CLSTN2: variants seen among roughly 807,000 people sequenced by gnomAD.
CLSTN2 encodes calsyntenin-2.
A neutral mutation model predicts 101.2 loss-of-function variants in CLSTN2; 48 were observed. The observed-to-expected ratio is 0.47, with a 90% CI of 0.38 to 0.60. The LOEUF is 0.60. Among genes scored for constraint, CLSTN2 ranks in the 20% least tolerant of loss-of-function variants. The pLI, the probability that CLSTN2 is intolerant of heterozygous loss-of-function variation, is 0.00. For missense variants in CLSTN2, 1,160 were observed against 1,238.2 expected (o/e 0.94, Z 0.95); for synonymous variants, 481 against 463.6 (o/e 1.04, Z -0.48).
At chr3:140,299,069 C>G (rs1397175983) in intron 2 of CLSTN2, among the ~76,000 whole-genome samples, 1 of 152,194 alleles carries the variant, frequency 6.6e-6, no homozygotes, top group Admixed American at 6.5e-5. Context: ...CTCACTTTCC[C>G]CTCCACTCAG....
At chr3:140,031,240 G>A (rs1157505353) in intron 1 of CLSTN2, among the ~76,000 whole-genome samples, 1 of 152,182 alleles carries the variant, frequency 6.6e-6, no homozygotes, top group African/African-American at 2.4e-5. Flanking sequence ...AGAATGTGGA[G>A]GGAAGACATC....
At chr3:140,374,816 C>A (rs2087898176) in intron 2 of CLSTN2, among the ~76,000 whole-genome samples, 1 of 152,164 alleles carries the variant, frequency 6.6e-6, no homozygotes, top group South Asian at 2.1e-4. Flanking sequence ...TAATATATAT[C>A]TCAATTTTGC....
chr3:140,042,935 T>G (rs187223408), intron 1 of CLSTN2, among the ~76,000 whole-genome samples: 1 of 152,332 alleles, frequency 6.6e-6, no homozygotes, highest in African/African-American at 2.4e-5. Context: ...GATGGACATT[T>G]GGGTTGGTTC....
At chr3:140,131,443 G>T (rs73868734) in intron 1 of CLSTN2, among the ~76,000 whole-genome samples, 2,227 of 151,992 alleles carry the variant, frequency 0.015, 57 homozygotes, top group African/African-American at 0.052. Context: ...TTGAACATTT[G>T]CAATCTTCTG....
chr3:140,126,174 TG>T (rs772738375), intron 1 of CLSTN2, among the ~76,000 whole-genome samples: 21 of 152,148 alleles, frequency 1.4e-4, no homozygotes, highest in East Asian at 1.2e-3. Context: ...TGAGATGCTA[TG>T]GGTATGGAGA....
intron 2 of CLSTN2, among the ~76,000 whole-genome samples, chr3:140,259,487 A>T (rs1211213688): frequency 1.3e-5 from 2 of 152,198 alleles, no homozygotes; most frequent in South Asian, 4.2e-4. Flanking sequence ...AAAACAAAAC[A>T]AAACAAAAAA....
At chr3:140,276,976 A>G (rs1386306753) in intron 2 of CLSTN2, among the ~76,000 whole-genome samples, 3 of 152,192 alleles carry the variant, frequency 2.0e-5, no homozygotes, top group Non-Finnish European at 1.5e-5. Context: ...AACAGTCCAT[A>G]CAGTTGCAGA....
intron 2 of CLSTN2, among the ~76,000 whole-genome samples, chr3:140,192,131 T>A (rs961746126): frequency 6.6e-6 from 1 of 151,962 alleles, no homozygotes; most frequent in African/African-American, 2.4e-5. Context: ...TTGGAGATTG[T>A]CCTGTTATCT....
At chr3:140,559,645 C>T (rs529029296) in intron 12 of CLSTN2, among the ~76,000 whole-genome samples, 22 of 151,966 alleles carry the variant, frequency 1.4e-4, no homozygotes, top group African/African-American at 2.2e-4. Flanking sequence ...CTCCGAGGGA[C>T]GGGGGAAATA....
intron 1 of CLSTN2, among the ~76,000 whole-genome samples, chr3:140,106,549 T>G (rs2009062549): frequency 6.6e-6 from 1 of 152,208 alleles, no homozygotes; most frequent in African/African-American, 2.4e-5. Flanking sequence ...GCTCACAGCT[T>G]CACACTGACT....
At chr3:140,489,021 A>T (rs1282976835) in intron 8 of CLSTN2, among the ~76,000 whole-genome samples, 2 of 152,260 alleles carry the variant, frequency 1.3e-5, no homozygotes, top group East Asian at 3.8e-4. Flanking sequence ...CAGATTAAAA[A>T]GTTTTGAAAA....
intron 2 of CLSTN2, among the ~76,000 whole-genome samples, chr3:140,363,612 C>T (rs199941298): frequency 1.7e-5 from 1 of 60,024 alleles, no homozygotes; most frequent in African/African-American, 4.1e-5. Context: ...ACCCGGTAGG[C>T]ACTTAGGGTT....
chr3:140,376,933 C>A (rs2087924143), intron 2 of CLSTN2, among the ~76,000 whole-genome samples: 1 of 152,096 alleles, frequency 6.6e-6, no homozygotes, highest in Admixed American at 6.6e-5. Flanking sequence ...TATAGGTACT[C>A]CCTTGTCTTT....
At chr3:140,192,869 T>C (rs958106375) in intron 2 of CLSTN2, among the ~76,000 whole-genome samples, 51 of 151,914 alleles carry the variant, frequency 3.4e-4, no homozygotes, top group Non-Finnish European at 6.9e-4. Context: ...GGAGGTTCTG[T>C]TTTCCTGCTT....
intron 2 of CLSTN2, among the ~76,000 whole-genome samples, chr3:140,226,875 G>T (rs2086325577): frequency 6.6e-6 from 1 of 152,140 alleles, no homozygotes; most frequent in Non-Finnish European, 1.5e-5. Context: ...AAAACCATCA[G>T]ATTTTGTGAG....
chr3:140,174,196 C>T (rs2010285942), intron 1 of CLSTN2, among the ~76,000 whole-genome samples: 2 of 152,160 alleles, frequency 1.3e-5, no homozygotes, highest in Admixed American at 6.5e-5. Flanking sequence ...TCATCTCTCT[C>T]AAGTTCAAAG....
chr3:140,317,577 T>TTC (rs1475230781), intron 2 of CLSTN2, among the ~76,000 whole-genome samples: 1 of 152,156 alleles, frequency 6.6e-6, no homozygotes, highest in South Asian at 2.1e-4. Flanking sequence ...TCTCCAGACT[T>TTC]TGTTTCTCAC....
At chr3:140,115,989 A>G (rs1212456344) in intron 1 of CLSTN2, among the ~76,000 whole-genome samples, 1 of 152,152 alleles carries the variant, frequency 6.6e-6, no homozygotes, top group African/African-American at 2.4e-5. Flanking sequence ...GCTGTCCCGG[A>G]GCAGGAGTGG....
chr3:139,978,043 A>G (rs1367911567), intron 1 of CLSTN2, among the ~76,000 whole-genome samples: 2 of 152,056 alleles, frequency 1.3e-5, no homozygotes, highest in African/African-American at 4.8e-5. Context: ...CATCTGGGGA[A>G]CCCTGTGCCA....
Sources: gnomAD v4.1 joint callset for allele counts (sites outside exome capture counted in the v4.1 genomes callset) on GRCh38, gnomAD v4.1.1 for gene constraint, MANE v1.5 for transcripts, NCBI Gene and HGNC (gene_info 2026-07-23, HGNC 2026-07-21) for gene names.